BAG6: variants seen among roughly 807,000 people sequenced by gnomAD.
BAG6 encodes the protein large proline-rich protein BAG6.
BAG6 carries 22 observed loss-of-function variants against 121.0 expected under a neutral mutation model. That is an observed-to-expected ratio of 0.18 (90% confidence interval 0.13 to 0.26). The LOEUF (loss-of-function observed/expected upper bound fraction) is 0.26, where lower values mean the gene tolerates loss of function less well. Among genes scored for constraint, BAG6 ranks in the 10% least tolerant of loss-of-function variants. BAG6 has a pLI of 1.00. For missense variants in BAG6, 1,233 were observed against 1,537.7 expected (o/e 0.80, Z 3.31); for synonymous variants, 583 against 584.6 (o/e 1.00, Z 0.04).
chr6:31,639,451 AG>A, intron 25 of BAG6, 48 bp downstream of exon 25: 2 of 1,582,106 alleles, frequency 1.3e-6, no homozygotes, highest in Non-Finnish European at 1.7e-6. Context: ...GAGGGACCCT[AG>A]CCCAACCCCT....
Position 31,644,727 on chromosome 6 carries a change from T to C in BAG6, c.1370-125A>G. On this transcript the variant is annotated intron_variant, in intron 10 of 25. Coordinates refer to ENST00000676615, the MANE Select transcript of BAG6 (RefSeq NM_001387994.1). The surrounding 1 kb of genome is among the most constrained non-coding windows in gnomAD (Gnocchi z 4.9). Reference sequence around the variant, plus strand: ...ATCAGAAAGCCTGCCTTTCCCTCCATCTAAACAGGGAGAGGTACTCCCTTC... The same window carrying C: ...ATCAGAAAGCCTGCCTTTCCCTCCACCTAAACAGGGAGAGGTACTCCCTTC... The C allele has an allele frequency of 3.1e-6, 4 of 1,277,778 alleles. No homozygotes were observed. Among genetic ancestry groups the C allele is most frequent in the Non-Finnish European group, 4.5e-6 (4 of 889,068 alleles). The allele number at this position is 1,277,778 out of a possible 1,614,324, so 79.2% of individuals were successfully genotyped here.
intron 24 of BAG6, 93 bp from the exon 25 acceptor site, chr6:31,639,739 T>G: frequency 7.1e-7 from 1 of 1,403,396 alleles, no homozygotes; most frequent in Non-Finnish European, 9.7e-7. Flanking sequence ...ACCACTCCAC[T>G]GAGTCTCCAT....
At position 31,642,926 on chromosome 6, in the gene BAG6, C is replaced by T. The variant is rs941031946; in HGVS notation, c.1946G>A (p.Gly649Glu). 6.2e-7 allele frequency: 1 copy of T among 1,609,752 alleles called. No individual in the cohort carries two copies. Among genetic ancestry groups the T allele is most frequent in the Non-Finnish European group, 8.5e-7 (1 of 1,178,204 alleles). Reference protein sequence around the residue: ...QLLGNLLGPAGPGAGGSGVAS... With the variant: ...QLLGNLLGPAEPGAGGSGVAS... ...CACACCAGACCCTCCAGCCCCTGGC[C>T]CTGCAGGCCCTAGCAGGTTCCCCAG... Residue 649 changes from glycine to glutamate, a missense_variant, in exon 15 of 26, where the codon GGG becomes GAG. Gly to Glu is a moderately conservative substitution (Grantham distance 98). Around this residue, in one of 7 missense-constraint regions of BAG6, gnomAD observed 777 missense variants for 861.4 expected, o/e 0.90. Transcript: ENST00000676615.
rs750148600 is a variant in BAG6 at position 31,640,267 on chromosome 6, G to A, written c.3178C>T (p.Arg1060Trp). The part of the protein sequence containing the change: ...PIIQQDIQSQ[R>W]KVKPQPPLSD... The stretch of plus-strand genomic sequence containing the variant: ...AGAGGGGGCTGCGGTTTCACCTTCC[G>A]CTGGCTCTGAATGTCCTGCTGGATA... Residue 1060 changes from arginine (R) to tryptophan (W), a missense_variant, in exon 24 of 26, where the codon CGG becomes TGG. Physicochemically the swap from Arg to Trp is moderately radical, Grantham distance 101. This residue lies in a region of BAG6 where 288 missense variants were observed against 483.1 expected (regional missense o/e 0.60). Transcript: ENST00000676615. The surrounding 1 kb of genome is among the most constrained non-coding windows in gnomAD (Gnocchi z 4.2). 6 of 1,614,068 alleles carry A rather than the reference G, an allele frequency of 3.7e-6. No individual in the cohort carries two copies. The highest frequency in any genetic ancestry group is 2.2e-5 in the East Asian group (1 of 44,898).
In BAG6 at chr6:31,648,949, C is replaced by T. The variant is rs537092798; in HGVS notation, c.439G>A (p.Val147Met). 2 of 1,528,986 alleles carry T rather than the reference C, an allele frequency of 1.3e-6. No homozygotes were observed. The highest frequency in any genetic ancestry group is 2.3e-5 in the East Asian group (1 of 44,264). The allele number at this position is 1,528,986 out of a possible 1,614,324, so 94.7% of individuals were successfully genotyped here. A position where few individuals can be genotyped will look rare whatever the true frequency, so the allele number is the denominator to read the frequency against. The change falls in exon 5 of 26, where the codon GTG (valine) becomes ATG (methionine). Residue 147 changes from valine (V) to methionine (M), a missense_variant. By Grantham distance (21) the Val-to-Met change is conservative (BLOSUM62 1). Coordinates refer to ENST00000676615, the MANE Select transcript of BAG6 (RefSeq NM_001387994.1). Reference protein sequence around the residue: ...TFNLPSDGSAVDVHINMEQAP... With the variant: ...TFNLPSDGSAMDVHINMEQAP... ...TGTTCCATGTTGATGTGAACATCCA[C>T]AGCAGAGCCGTCACTCTGGGGAAAG...
At position 31,641,742 on chromosome 6, in the gene BAG6, GA is replaced by G; in HGVS notation, c.2505+33del. 1 of 1,612,356 alleles carries G rather than the reference GA, an allele frequency of 6.2e-7. No homozygotes were observed. The highest frequency in any genetic ancestry group is 8.5e-7 in the Non-Finnish European group (1 of 1,179,024). ...GAAATAAGGAATAAAATGTGCAAAA[GA>G]GGAGAGTTCTGGGGCCCCTGGCCTT... On this transcript the variant is annotated intron_variant, in intron 17 of 25. Transcript: ENST00000676615. This position sits in a 1 kb window ranked among gnomAD's most constrained non-coding sequence, Gnocchi z 5.7.
intron 2 of BAG6, 101 bp from the exon 3 acceptor site, chr6:31,649,728 A>G: frequency 1.1e-6 from 1 of 931,192 alleles, no homozygotes; most frequent in Non-Finnish European, 1.7e-6. Context: ...AAACCACCAC[A>G]GAATCACTAC....
Position 31,647,604 on chromosome 6 carries a change from T to C in BAG6, c.775A>G (p.Thr259Ala). The change falls in exon 7 of 26, where the codon ACA (threonine) becomes GCA (alanine). Residue 259 changes from threonine (T) to alanine (A), a missense_variant. Thr to Ala is a moderately conservative substitution (Grantham distance 58). Around this residue, in one of 7 missense-constraint regions of BAG6, gnomAD observed 777 missense variants for 861.4 expected, o/e 0.90. Coordinates refer to ENST00000676615, the MANE Select transcript of BAG6 (RefSeq NM_001387994.1). The part of the protein sequence containing the change: ...APAGPTPAPE[T>A]NAPNHPSPAE... ...TCCATCTCTCACTTGGGTGCATTTGTTTCCGGGGCAGGTGTTGGGCCCGCT... is the reference window on the plus strand; with the variant it reads ...TCCATCTCTCACTTGGGTGCATTTGCTTCCGGGGCAGGTGTTGGGCCCGCT... The C allele has an allele frequency of 6.2e-7, 1 of 1,610,104 alleles. No homozygotes were observed. Among genetic ancestry groups the C allele is most frequent in the Non-Finnish European group, 8.5e-7 (1 of 1,178,854 alleles).
At position 31,645,029 on chromosome 6, in the gene BAG6, G is replaced by A. The variant is rs756796442; in HGVS notation, c.1286C>T (p.Pro429Leu). 3.8e-5 allele frequency: 61 copies of A among 1,611,826 alleles called. No individual in the cohort carries two copies. The highest frequency in any genetic ancestry group is 9.3e-5 in the African/African-American group (7 of 74,868). Residue 429 changes from proline (P) to leucine (L), a missense_variant, in exon 10 of 26, where the codon CCG (proline) becomes CTG (leucine). Coordinates refer to ENST00000676615, the MANE Select transcript of BAG6 (RefSeq NM_001387994.1). Reference sequence around the variant, plus strand: ...GACCCTCGGGTGGCTGGTGGCTGGCGGGGGAGCTGGACCTGGCGGGGGAGC... The same window carrying A: ...GACCCTCGGGTGGCTGGTGGCTGGCAGGGGAGCTGGACCTGGCGGGGGAGC... ...EGAPPPGPAP[P>L]PATSHPRVIR...
rs893050698 is a variant in BAG6, at chr6:31,639,719, C to G, written c.3247-73G>C. 6 of 1,516,438 alleles carry G rather than the reference C, an allele frequency of 4.0e-6. No homozygotes were observed. The African/African-American group carries it at 8.3e-5, about 21-fold the overall frequency. 93.9% of individuals were successfully genotyped at this position (1,516,438 alleles called of 1,614,324 possible). On this transcript the variant is annotated intron_variant, in intron 24 of 25. Transcript: ENST00000676615. ...AGTGCCACCATCCGGCTCACCCTTT[C>G]CATGAGTCAACCACTCCACTGAGTC...
rs1427367727 is a variant in BAG6 at position 31,641,667 on chromosome 6, C to T, written c.2506-75G>A. On this transcript the variant is annotated intron_variant, in intron 17 of 25. Coordinates refer to ENST00000676615, the MANE Select transcript of BAG6 (RefSeq NM_001387994.1). The surrounding 1 kb of genome is among the most constrained non-coding windows in gnomAD (Gnocchi z 5.7). The stretch of plus-strand genomic sequence containing the variant: ...ACTTCCACCTCGACCCCAACAAGTC[C>T]AGGGCTTGTGTGGGGGCAATTGGAG... The T allele has an allele frequency of 2.5e-6, 4 of 1,611,940 alleles. No individual in the cohort carries two copies. Among genetic ancestry groups the T allele is most frequent in the Non-Finnish European group, 3.4e-6 (4 of 1,178,050 alleles).
At position 31,643,939 on chromosome 6, in the gene BAG6, C is replaced by T; in HGVS notation, c.1707G>A (p.Gln569=). 6.2e-7 allele frequency: 1 copy of T among 1,613,864 alleles called. No homozygotes were observed. The highest frequency in any genetic ancestry group is 8.5e-7 in the Non-Finnish European group (1 of 1,180,024). Residue 569 remains glutamine (Q), a synonymous_variant, in exon 14 of 26, where the codon CAG becomes CAA. Coordinates refer to ENST00000676615, the MANE Select transcript of BAG6 (RefSeq NM_001387994.1). ...GCTGCCCCACAAGGCCGCTCACCAT[C>T]TGGGCCAACGAGGCATTGGTACCCA... is the stretch of plus-strand genomic sequence containing the variant. ...AGLGTNASLA[Q]MVSGLVGQLL...
intron 2 of BAG6, 30 bp downstream of exon 2, chr6:31,651,626 G>T: frequency 1.9e-6 from 3 of 1,584,064 alleles, no homozygotes; most frequent in Middle Eastern, 1.7e-4. Flanking sequence ...AAAGCTAAAG[G>T]TGTCTTCCAG....
rs753564629 is a variant in BAG6, at chr6:31,641,210, C to T, written c.2681G>A (p.Arg894Gln). The T allele has an allele frequency of 2.5e-5, 41 of 1,613,938 alleles. No individual in the cohort carries two copies. The highest frequency in any genetic ancestry group is 3.3e-5 in the South Asian group (3 of 91,080). The stretch of plus-strand genomic sequence containing the variant: ...GCCTTGGTTACACAACTCCAGCAAC[C>T]GGGCCCCAAATCCACTATCTGTGGG... ...LHCTDSGFGARLLELCNQGLF... is the reference protein window; with the variant it reads ...LHCTDSGFGAQLLELCNQGLF... Residue 894 changes from arginine to glutamine, a missense_variant, in exon 20 of 26, where the codon CGG becomes CAG. Physicochemically the swap from Arg to Gln is conservative, Grantham distance 43 (BLOSUM62 1). Coordinates refer to ENST00000676615, the MANE Select transcript of BAG6 (RefSeq NM_001387994.1). This position sits in a 1 kb window ranked among gnomAD's most constrained non-coding sequence, Gnocchi z 5.7.
At chr6:31,646,229 G>A (rs1160651563) in intron 8 of BAG6, among the ~76,000 whole-genome samples, 165 bp downstream of exon 8, 1 of 152,126 alleles carries the variant, frequency 6.6e-6, no homozygotes, top group African/African-American at 2.4e-5. Context: ...CAGATGATCC[G>A]CCCACCTTGG....
At chr6:31,639,408 C>T in intron 25 of BAG6, 92 bp downstream of exon 25, 2 of 1,540,758 alleles carry the variant, frequency 1.3e-6, no homozygotes, top group Non-Finnish European at 1.8e-6. Context: ...TAGCACCAGG[C>T]TGACCAGTTC....
intron 2 of BAG6, among the ~76,000 whole-genome samples, chr6:31,650,371 G>A (rs1471224008): frequency 1.3e-5 from 2 of 151,690 alleles, no homozygotes; most frequent in Non-Finnish European, 2.9e-5. Flanking sequence ...AGATAAGAAA[G>A]CAAAAAAGGT....
In BAG6 at chr6:31,643,118, G is replaced by A; in HGVS notation, c.1757-3C>T. On this transcript the variant is annotated splice_region_variant and splice_polypyrimidine_tract_variant and intron_variant, in intron 14 of 25. Coordinates refer to ENST00000676615, the MANE Select transcript of BAG6 (RefSeq NM_001387994.1). Reference sequence around the variant, plus strand: ...AGCCATACCTGGGGTCCCCTGAGCTGTAAGAAACCAAAAAAAGAAAGCTGG... The same window carrying A: ...AGCCATACCTGGGGTCCCCTGAGCTATAAGAAACCAAAAAAAGAAAGCTGG... The A allele has an allele frequency of 6.4e-7, 1 of 1,554,794 alleles. No individual in the cohort carries two copies. Among genetic ancestry groups the A allele is most frequent in the South Asian group, 1.2e-5 (1 of 84,474 alleles).
chr6:31,640,257 T>A lies in BAG6; in HGVS notation c.3188A>T (p.Lys1063Ile). Residue 1063 changes from lysine (K) to isoleucine (I), a missense_variant, in exon 24 of 26, where the codon AAA (lysine) becomes ATA (isoleucine). Physicochemically the swap from Lys to Ile is moderately radical, Grantham distance 102. Transcript: ENST00000676615. This position sits in a 1 kb window ranked among gnomAD's most constrained non-coding sequence, Gnocchi z 4.2. ...GGCATCACTCAGAGGGGGCTGCGGTTTCACCTTCCGCTGGCTCTGAATGTC... is the reference window on the plus strand; with the variant it reads ...GGCATCACTCAGAGGGGGCTGCGGTATCACCTTCCGCTGGCTCTGAATGTC... ...QQDIQSQRKV[K>I]PQPPLSDAYL... The A allele has an allele frequency of 6.2e-7, 1 of 1,614,186 alleles. No individual in the cohort carries two copies. The highest frequency in any genetic ancestry group is 1.1e-5 in the South Asian group (1 of 91,084).
Sources: gnomAD v4.1 joint callset for allele counts (sites outside exome capture counted in the v4.1 genomes callset) on GRCh38, gnomAD v4.1.1 for gene constraint, gnomAD v4.1.1 regional missense constraint, Gnocchi (gnomAD v3.1) non-coding constraint, MANE v1.5 for transcripts, NCBI Gene and HGNC (gene_info 2026-07-23, HGNC 2026-07-21) for gene names.